The following BRD8 variants were observed in gnomAD, a reference collection of about 807,000 sequenced individuals.
BRD8 encodes bromodomain-containing protein 8.
In BRD8, 67 loss-of-function variants were observed where a neutral mutation model predicts 143.1. The ratio of observed to expected loss-of-function variants is 0.47; its 90% CI spans 0.38 to 0.57. BRD8 has a LOEUF of 0.57. Among genes scored for constraint, BRD8 ranks in the 20% least tolerant of loss-of-function variants. BRD8 has a pLI of 0.00. For synonymous variants in BRD8, 505 were observed against 517.1 expected, an observed-to-expected ratio of 0.98 and a Z score of 0.32; for missense variants, 1,103 against 1,503.0, an observed-to-expected ratio of 0.73 and a Z score of 4.40.
chr5:138,170,786 A>C (rs755436369), intron 6 of BRD8, 46 bp downstream of exon 6: 4 of 1,512,780 alleles, frequency 2.6e-6, no homozygotes, highest in Non-Finnish European at 3.7e-6. Flanking sequence ...AGGGGAAAAG[A>C]GGGTAAAAAG....
chr5:138,159,872 T>C (rs1037608190), intron 19 of BRD8, among the ~76,000 whole-genome samples, 197 bp downstream of exon 19: 3 of 152,242 alleles, frequency 2.0e-5, no homozygotes, highest in African/African-American at 7.2e-5. Flanking sequence ...ATTTCTCCCA[T>C]GTGACTGGGC....
rs111337187 is a variant in BRD8, at chr5:138,165,335, G to A, written c.1279-169C>T. ...CCTGTCCTGTGCAAACCAGTAACAT[G>A]GGTAGACCTGAGGAGATGACTAGTA... On this transcript the variant is annotated intron_variant, in intron 11 of 26. Transcript: ENST00000254900. Among the ~76,000 whole-genome samples the A allele has an allele frequency of 2.1e-3, 326 of 152,260 alleles. 1 individual carries two copies. The highest frequency in any genetic ancestry group is 3.2e-3 in the Non-Finnish European group (221 of 68,018).
intron 20 of BRD8, among the ~76,000 whole-genome samples, chr5:138,155,120 G>A (rs1215979658): frequency 2.0e-5 from 3 of 150,296 alleles, no homozygotes; most frequent in African/African-American, 4.8e-5. Context: ...TGTGAGCCAC[G>A]GTGCCCGGCA....
At chr5:138,152,047 G>A (rs1454794983) in intron 21 of BRD8, among the ~76,000 whole-genome samples, 2 of 151,986 alleles carry the variant, frequency 1.3e-5, no homozygotes, top group Non-Finnish European at 2.9e-5. Context: ...GTAGAGATGG[G>A]GTTTCACCAT....
rs10671440 is a variant in BRD8, at chr5:138,177,680, GA to G, written c.20-14del. Reference sequence around the variant, plus strand: ...AGCAGCTTGTGTTCTGGGAAAGGGAGAAAAAAAAAAAAGCCTTGGAAACAAC... The same window carrying G: ...AGCAGCTTGTGTTCTGGGAAAGGGAGAAAAAAAAAAAGCCTTGGAAACAAC... On this transcript the variant is annotated splice_polypyrimidine_tract_variant and intron_variant, in intron 1 of 26. Coordinates refer to ENST00000254900, the MANE Select transcript of BRD8 (RefSeq NM_139199.2). 0.016 allele frequency: 19,043 copies of G among 1,177,516 alleles called. 4 individuals carry two copies. The highest frequency in any genetic ancestry group is 0.027 in the South Asian group (1,883 of 69,720). The allele number at this position is 1,177,516 out of a possible 1,614,324, so 72.9% of individuals were successfully genotyped here. A position where few individuals can be genotyped will look rare whatever the true frequency, so the allele number is the denominator to read the frequency against.
rs527637592 is a variant in BRD8, at chr5:138,140,529, G to A, written c.3615+176C>T. The A allele has an allele frequency of 7.2e-5, 51 of 709,738 alleles. No homozygotes were observed. The African/African-American group carries it at 8.1e-4, about 11-fold the overall frequency. 44.0% of individuals were successfully genotyped at this position (709,738 alleles called of 1,614,324 possible). A position where few individuals can be genotyped will look rare whatever the true frequency, so the allele number is the denominator to read the frequency against. The stretch of plus-strand genomic sequence containing the variant: ...ATTCCTAGACTACTTCACTATCAGA[G>A]CTGGACTTACTGAGGCTCAGGGTTT... On this transcript the variant is annotated intron_variant, in intron 26 of 26. Transcript: ENST00000254900.
chr5:138,151,941 G>C (rs575282853), intron 21 of BRD8, among the ~76,000 whole-genome samples: 6 of 152,074 alleles, frequency 3.9e-5, no homozygotes, highest in Non-Finnish European at 7.4e-5. Context: ...TGCAACCTCC[G>C]CCTCTCAGGT....
chr5:138,156,202 C>A (rs937017527), intron 20 of BRD8, among the ~76,000 whole-genome samples: 5 of 151,368 alleles, frequency 3.3e-5, no homozygotes, highest in South Asian at 4.2e-4. Flanking sequence ...TGCAGTGACG[C>A]GATCTCAGCT....
chr5:138,168,160 A>G (rs1753594470), intron 8 of BRD8, 82 bp from the exon 9 acceptor site: 2 of 994,034 alleles, frequency 2.0e-6, no homozygotes, highest in South Asian at 1.5e-5. Context: ...GCAGTTGATC[A>G]AACTTCATGA....
rs746551438 is a variant in BRD8 at position 138,149,772 on chromosome 5, C to G, written c.3146G>C (p.Gly1049Ala). ...EEGEAQQESK[G>A]EDQGEVYVSE... ...CACATATACTTCACCCTGGTCCTCC[C>G]CTTTGGATTCTTGCTGAGCCTCCCC... is the stretch of plus-strand genomic sequence containing the variant. The change falls in exon 23 of 27, where the codon GGG becomes GCG. Residue 1049 changes from glycine to alanine, a missense_variant. Transcript: ENST00000254900. 2 of 1,607,518 alleles carry G rather than the reference C, an allele frequency of 1.2e-6. No individual in the cohort carries two copies. Among genetic ancestry groups the G allele is most frequent in the Non-Finnish European group, 1.7e-6 (2 of 1,178,250 alleles).
chr5:138,151,980 G>A (rs563729798), intron 21 of BRD8, among the ~76,000 whole-genome samples: 15 of 151,426 alleles, frequency 9.9e-5, no homozygotes, highest in African/African-American at 2.7e-4. Flanking sequence ...TCAGCCTCCC[G>A]AGCAGCTGGG....
chr5:138,173,227 A>G (rs897350872), intron 2 of BRD8, among the ~76,000 whole-genome samples: 1 of 151,930 alleles, frequency 6.6e-6, no homozygotes, highest in Non-Finnish European at 1.5e-5. Context: ...GTGAAACCCC[A>G]CCTCTACTAA....
Position 138,178,588 on chromosome 5 carries a change from A to C in BRD8, c.19+8T>G. 1.9e-6 allele frequency: 3 copies of C among 1,613,496 alleles called. No individual in the cohort carries two copies. The highest frequency in any genetic ancestry group is 2.5e-6 in the Non-Finnish European group (3 of 1,179,536). Reference sequence around the variant, plus strand: ...GGCCTTTCACGCAAAACCTGCTCAGATACTCACTGCCCGTTCCCGTCGCCA... The same window carrying C: ...GGCCTTTCACGCAAAACCTGCTCAGCTACTCACTGCCCGTTCCCGTCGCCA... On this transcript the variant is annotated splice_region_variant and intron_variant, in intron 1 of 26. Transcript: ENST00000254900.
At chr5:138,162,274 T>C (rs1753054310) in intron 15 of BRD8, 128 bp from the exon 16 acceptor site, 3 of 687,096 alleles carry the variant, frequency 4.4e-6, no homozygotes, top group African/African-American at 3.6e-5. Context: ...ATCATGTTCA[T>C]TGCACCCTCA....
chr5:138,157,089 G>C (rs998613566), intron 20 of BRD8: 1 of 1,556,522 alleles, frequency 6.4e-7, no homozygotes, highest in African/African-American at 1.4e-5. Context: ...AGCTCATGTC[G>C]TGTGGCCCAG....
chr5:138,154,920 C>A (rs1212929645), intron 20 of BRD8, among the ~76,000 whole-genome samples: 1 of 150,634 alleles, frequency 6.6e-6, no homozygotes, highest in Non-Finnish European at 1.5e-5. Context: ...ACCTCTGCCT[C>A]CCAGGCTCAA....
chr5:138,171,483 G>A, intron 3 of BRD8, 73 bp from the exon 4 acceptor site: 1 of 974,274 alleles, frequency 1.0e-6, no homozygotes, highest in Non-Finnish European at 1.6e-6. Context: ...AAAGTTTCAA[G>A]AGATTAGAGT....
At position 138,169,208 on chromosome 5, in the gene BRD8, G is replaced by A. The variant is rs35424434; in HGVS notation, c.642+14C>T. ...CCTTCACTGATCAATTCCCACAGAT[G>A]GAAATATACTCACCCCAGAGGTAGC... On this transcript the variant is annotated intron_variant, in intron 8 of 26. Coordinates refer to ENST00000254900, the MANE Select transcript of BRD8 (RefSeq NM_139199.2). The A allele has an allele frequency of 7.8e-4, 1,254 of 1,611,548 alleles. 10 individuals are homozygous for A. The Middle Eastern group carries it at 0.032, about 41-fold the overall frequency.
At chr5:138,165,514 C>T (rs376138920) in intron 11 of BRD8, among the ~76,000 whole-genome samples, 4 of 152,094 alleles carry the variant, frequency 2.6e-5, no homozygotes, top group African/African-American at 9.6e-5. Flanking sequence ...TCACTTGAGG[C>T]CAGGAGTTTG....
Sources: allele counts gnomAD v4.1 joint callset (sites outside exome capture counted in the v4.1 genomes callset), GRCh38; gene constraint gnomAD v4.1.1; transcripts MANE v1.5; gene names NCBI Gene and HGNC (gene_info 2026-07-23, HGNC 2026-07-21).